AGBL4: variants seen among roughly 807,000 people sequenced by gnomAD.
AGBL4 encodes cytosolic carboxypeptidase 6.
Under a neutral mutation model 66.4 loss-of-function variants are expected in AGBL4, and 58 were observed. The observed-to-expected ratio is 0.87, with a 90% CI of 0.71 to 1.09. AGBL4 has a LOEUF of 1.09. Among genes scored for constraint, AGBL4 ranks in the 50% least tolerant of loss-of-function variants. The pLI, the probability that AGBL4 is intolerant of heterozygous loss-of-function variation, is 0.00. For synonymous variants in AGBL4, 234 were observed against 222.9 expected (o/e 1.05, Z -0.44); for missense variants, 579 against 631.0 (o/e 0.92, Z 0.88).
At chr1:49,519,860 A>T (rs373265186) in intron 3 of AGBL4, among the ~76,000 whole-genome samples, 1 of 152,264 alleles carries the variant, frequency 6.6e-6, no homozygotes, top group East Asian at 1.9e-4. Flanking sequence ...AGTGAGGCAT[A>T]GAGTGCTGTA....
chr1:48,656,586 A>C (rs1646024530), intron 7 of AGBL4, among the ~76,000 whole-genome samples: 1 of 152,216 alleles, frequency 6.6e-6, no homozygotes, highest in Non-Finnish European at 1.5e-5. Flanking sequence ...GATATTGGAA[A>C]GGGGACTTAA....
intron 2 of AGBL4, among the ~76,000 whole-genome samples, chr1:49,737,518 G>T (rs768296542): frequency 1.3e-5 from 2 of 152,112 alleles, no homozygotes; most frequent in Non-Finnish European, 2.9e-5. Flanking sequence ...ATAGATACTG[G>T]AGACTACTAG....
intron 2 of AGBL4, among the ~76,000 whole-genome samples, chr1:49,814,779 T>C (rs1195784326): frequency 6.6e-6 from 1 of 152,140 alleles, no homozygotes; most frequent in South Asian, 2.1e-4. Context: ...GCTACCAAGA[T>C]ACCTGGAATA....
At chr1:48,672,811 C>T (rs544399718) in intron 6 of AGBL4, among the ~76,000 whole-genome samples, 5 of 152,130 alleles carry the variant, frequency 3.3e-5, no homozygotes, top group East Asian at 3.9e-4. Flanking sequence ...GAGGTTGTTA[C>T]GTATTAATAA....
chr1:49,296,038 A>G (rs900901929), intron 3 of AGBL4, among the ~76,000 whole-genome samples: 5 of 152,202 alleles, frequency 3.3e-5, no homozygotes, highest in African/African-American at 1.2e-4. Context: ...GTAATTGCGT[A>G]TTATTGAGAT....
At chr1:49,515,722 G>A (rs951839145) in intron 3 of AGBL4, among the ~76,000 whole-genome samples, 2 of 151,758 alleles carry the variant, frequency 1.3e-5, no homozygotes, top group African/African-American at 4.8e-5. Context: ...AAAATGATGA[G>A]TTCATGTCCT....
chr1:49,383,560 C>G (rs1644668342), intron 3 of AGBL4, among the ~76,000 whole-genome samples: 1 of 152,004 alleles, frequency 6.6e-6, no homozygotes, highest in Non-Finnish European at 1.5e-5. Context: ...ACAGTTTCTT[C>G]AATTACTGGT....
In AGBL4 at chr1:49,051,330, A is replaced by G. The variant is rs144700921; in HGVS notation, c.378-5530T>C. 2.9e-3 allele frequency among the ~76,000 whole-genome samples: 444 copies of G among 152,272 alleles called. 3 individuals carry two copies. Among genetic ancestry groups the G allele is most frequent in the South Asian group, 0.024 (116 of 4,828 alleles). On this transcript the variant is annotated intron_variant, in intron 4 of 13. Coordinates refer to ENST00000371839, the MANE Select transcript of AGBL4 (RefSeq NM_032785.4). ...ATCTCAATAGCTTGCTATCCGTTTG[A>G]TGCACACTACTGTCTGAATGCTAAG...
At chr1:49,463,342 A>G (rs1646556258) in intron 3 of AGBL4, among the ~76,000 whole-genome samples, 1 of 151,696 alleles carries the variant, frequency 6.6e-6, no homozygotes, top group African/African-American at 2.4e-5. Flanking sequence ...ATCCAGGAAT[A>G]ATTATCAATA....
At chr1:49,185,401 T>C (rs1166194924) in intron 4 of AGBL4, among the ~76,000 whole-genome samples, 3 of 152,184 alleles carry the variant, frequency 2.0e-5, no homozygotes, top group Admixed American at 6.5e-5. Flanking sequence ...CTGGAGGTGA[T>C]ACCACTTGTC....
chr1:49,958,612 C>T (rs1281879926), intron 1 of AGBL4, among the ~76,000 whole-genome samples: 1 of 147,588 alleles, frequency 6.8e-6, no homozygotes, highest in Non-Finnish European at 1.5e-5. Flanking sequence ...CCAAATACCA[C>T]ATGTTCTCAC....
intron 6 of AGBL4, among the ~76,000 whole-genome samples, chr1:48,808,307 C>T (rs1309519175): frequency 1.3e-5 from 2 of 152,178 alleles, no homozygotes; most frequent in Admixed American, 6.5e-5. Context: ...TTAGAGGCAC[C>T]TTAAACATTC....
chr1:49,858,825 G>A (rs528960973), intron 1 of AGBL4, among the ~76,000 whole-genome samples: 3 of 152,226 alleles, frequency 2.0e-5, no homozygotes, highest in African/African-American at 7.2e-5. Context: ...AGACCAGCCT[G>A]GCCAACATGA....
At chr1:49,331,768 TAAC>T (rs1392825164) in intron 3 of AGBL4, among the ~76,000 whole-genome samples, 1 of 151,850 alleles carries the variant, frequency 6.6e-6, no homozygotes, top group African/African-American at 2.4e-5. Flanking sequence ...GTGTGGAAGG[TAAC>T]ACAGCACAAC....
At chr1:49,923,039 G>A (rs1056196861) in intron 1 of AGBL4, among the ~76,000 whole-genome samples, 2 of 152,162 alleles carry the variant, frequency 1.3e-5, no homozygotes, top group Non-Finnish European at 2.9e-5. Context: ...CAACAAAGCT[G>A]GAGGCATCAC....
intron 4 of AGBL4, among the ~76,000 whole-genome samples, chr1:49,235,088 T>C (rs1018762449): frequency 2.6e-5 from 4 of 152,200 alleles, no homozygotes; most frequent in Non-Finnish European, 4.4e-5. Context: ...CATTCTTGTA[T>C]AGTAGTTGGA....
At chr1:49,512,686 C>A (rs982899111) in intron 3 of AGBL4, among the ~76,000 whole-genome samples, 6 of 151,864 alleles carry the variant, frequency 4.0e-5, no homozygotes, top group African/African-American at 1.4e-4. Context: ...GAACCATGAG[C>A]CAATTAAACC....
intron 6 of AGBL4, among the ~76,000 whole-genome samples, chr1:48,814,171 C>A (rs999024700): frequency 6.6e-6 from 1 of 152,124 alleles, no homozygotes; most frequent in Non-Finnish European, 1.5e-5. Flanking sequence ...TGTCAACCTC[C>A]TCCTTGGGAC....
intron 3 of AGBL4, among the ~76,000 whole-genome samples, chr1:49,611,259 C>T (rs541531860): frequency 2.0e-5 from 3 of 151,900 alleles, no homozygotes; most frequent in South Asian, 2.1e-4. Flanking sequence ...TAAAAGTCAG[C>T]GTCATGGGGC....
Sources: gnomAD v4.1 joint callset for allele counts (sites outside exome capture counted in the v4.1 genomes callset) on GRCh38, gnomAD v4.1.1 for gene constraint, MANE v1.5 for transcripts, NCBI Gene and HGNC (gene_info 2026-07-23, HGNC 2026-07-21) for gene names.